ADARB2: variants seen among roughly 807,000 people sequenced by gnomAD.
ADARB2 encodes the protein adenosine deaminase RNA specific B2 (inactive).
In ADARB2, 25 loss-of-function variants were observed where a neutral mutation model predicts 62.2. The observed-to-expected ratio is 0.40, with a 90% CI of 0.29 to 0.56. The LOEUF is 0.56. ADARB2 is among the 20% of genes least tolerant of loss of function. The pLI is 0.43. For missense variants in ADARB2, 1,071 were observed against 1,077.4 expected, an observed-to-expected ratio of 0.99 and a Z score of 0.08; for synonymous variants, 572 against 500.8, an observed-to-expected ratio of 1.14 and a Z score of -1.90.
At chr10:1,565,725 T>A (rs555824802) in intron 1 of ADARB2, among the ~76,000 whole-genome samples, 2 of 152,338 alleles carry the variant, frequency 1.3e-5, no homozygotes, top group Admixed American at 6.5e-5. Context: ...GACTATACAC[T>A]GTGTTTGTGG....
chr10:1,386,790 TCTAACAGCTAACTTGAC>T (rs1378518863), intron 1 of ADARB2, among the ~76,000 whole-genome samples: 4 of 151,886 alleles, frequency 2.6e-5, no homozygotes, highest in African/African-American at 9.7e-5. Flanking sequence ...TTAGAAGAAC[TCTAACAGCTAACTTGAC>T]CTAAGTTACA....
intron 3 of ADARB2, among the ~76,000 whole-genome samples, chr10:1,326,795 C>T (rs1831853955): frequency 1.9e-5 from 2 of 105,380 alleles, no homozygotes; most frequent in South Asian, 3.7e-4. Context: ...CTGCCCAGCG[C>T]CTCCCCACGG....
chr10:1,639,655 C>A (rs1170050524), intron 1 of ADARB2, among the ~76,000 whole-genome samples: 1 of 152,136 alleles, frequency 6.6e-6, no homozygotes, highest in Non-Finnish European at 1.5e-5. Flanking sequence ...CCATCCTGAC[C>A]AACATGGTGA....
intron 8 of ADARB2, among the ~76,000 whole-genome samples, chr10:1,197,102 A>T (rs1836921648): frequency 6.6e-6 from 1 of 152,272 alleles, no homozygotes. Flanking sequence ...CCTCTGTTTA[A>T]TGTAAAAATA....
At chr10:1,675,854 C>T in intron 1 of ADARB2, 1 of 740,284 alleles carries the variant, frequency 1.4e-6, no homozygotes, top group Non-Finnish European at 1.6e-6. Flanking sequence ...CTGATCCCTG[C>T]AGGAGGGCAG....
At chr10:1,356,823 A>G (rs1032877680) in intron 3 of ADARB2, among the ~76,000 whole-genome samples, 2 of 152,204 alleles carry the variant, frequency 1.3e-5, no homozygotes, top group Non-Finnish European at 1.5e-5. Flanking sequence ...CCAATTGTGA[A>G]ATCCTGATTT....
chr10:1,307,643 T>C (rs7475675), intron 3 of ADARB2, among the ~76,000 whole-genome samples: 61,191 of 119,962 alleles, frequency 0.51, 16,542 homozygotes, highest in African/African-American at 0.61. Flanking sequence ...ATGTTTATTG[T>C]GGCATTATTC....
chr10:1,576,455 T>G (rs1833022998), intron 1 of ADARB2, among the ~76,000 whole-genome samples: 1 of 152,148 alleles, frequency 6.6e-6, no homozygotes, highest in Non-Finnish European at 1.5e-5. Flanking sequence ...CTCTCCCTGC[T>G]GGACTTCCTG....
At chr10:1,724,414 A>G (rs1182366517) in intron 1 of ADARB2, among the ~76,000 whole-genome samples, 6 of 152,224 alleles carry the variant, frequency 3.9e-5, no homozygotes, top group Admixed American at 3.9e-4. Context: ...GTCAGGGCAC[A>G]TAGCCTGCCT....
chr10:1,220,364 A>G (rs112509979), intron 6 of ADARB2, among the ~76,000 whole-genome samples: 59 of 120,096 alleles, frequency 4.9e-4, no homozygotes, highest in African/African-American at 1.6e-3. Context: ...GATGATGGTG[A>G]TGATGATGGT....
intron 1 of ADARB2, among the ~76,000 whole-genome samples, chr10:1,693,186 G>A (rs763822195): frequency 4.6e-5 from 7 of 152,182 alleles, no homozygotes; most frequent in Non-Finnish European, 8.8e-5. Context: ...TGAGGGCTCC[G>A]GGGAGAGTAA....
intron 1 of ADARB2, among the ~76,000 whole-genome samples, chr10:1,428,116 A>G (rs1163784508): frequency 6.6e-6 from 1 of 151,534 alleles, no homozygotes; most frequent in Non-Finnish European, 1.5e-5. Flanking sequence ...GATTACAGGC[A>G]TGCACCACCA....
At chr10:1,649,560 T>C (rs117446665) in intron 1 of ADARB2, among the ~76,000 whole-genome samples, 2,173 of 152,350 alleles carry the variant, frequency 0.014, 34 homozygotes, top group Non-Finnish European at 0.019. Context: ...GGTATGGGTG[T>C]CTCAAATGTT....
chr10:1,199,004 G>A (rs942268409), intron 8 of ADARB2, among the ~76,000 whole-genome samples: 3 of 152,218 alleles, frequency 2.0e-5, no homozygotes, highest in South Asian at 2.1e-4. Flanking sequence ...TAAGGAAAAC[G>A]CGCAGAAAAA....
intron 1 of ADARB2, among the ~76,000 whole-genome samples, chr10:1,551,327 C>T (rs956132239): frequency 6.6e-6 from 1 of 152,164 alleles, no homozygotes; most frequent in Non-Finnish European, 1.5e-5. Context: ...TTATGACAGC[C>T]CCAGGAAACT....
chr10:1,603,396 G>A (rs112297447), intron 1 of ADARB2, among the ~76,000 whole-genome samples: 10 of 152,272 alleles, frequency 6.6e-5, no homozygotes, highest in African/African-American at 2.4e-4. Context: ...TTTGCACCTC[G>A]AGGTCCTGAG....
chr10:1,230,607 C>T (rs1830795894), intron 6 of ADARB2, among the ~76,000 whole-genome samples: 1 of 152,200 alleles, frequency 6.6e-6, no homozygotes, highest in Non-Finnish European at 1.5e-5. Flanking sequence ...TCCTGAAGGT[C>T]TCTGCCTTCC....
intron 1 of ADARB2, among the ~76,000 whole-genome samples, chr10:1,658,176 CTCTCTA>C (rs953274900): frequency 5.3e-5 from 8 of 151,228 alleles, no homozygotes; most frequent in African/African-American, 1.7e-4. Context: ...CTCTCTGTGT[CTCTCTA>C]TCTCTATCTG....
intron 1 of ADARB2, among the ~76,000 whole-genome samples, chr10:1,494,682 T>G (rs528312995): frequency 1.3e-5 from 2 of 152,178 alleles, no homozygotes; most frequent in African/African-American, 4.8e-5. Context: ...CATTTTAGAG[T>G]GATTAAATAA....
Sources: gnomAD v4.1 joint callset for allele counts (sites outside exome capture counted in the v4.1 genomes callset) on GRCh38, gnomAD v4.1.1 for gene constraint, MANE v1.5 for transcripts, NCBI Gene and HGNC (gene_info 2026-07-23, HGNC 2026-07-21) for gene names.